Variants in PLD1 observed in about 807,000 individuals in gnomAD.
PLD1 encodes phospholipase D1.
PLD1 carries 112 observed loss-of-function variants against 137.1 expected under a neutral mutation model. That is an observed-to-expected ratio of 0.82 (90% CI 0.70 to 0.96). The LOEUF is 0.96. Ranked by LOEUF, PLD1 falls within the 40% of genes least tolerant of loss-of-function variation. PLD1 has a pLI of 0.00. For synonymous variants in PLD1, 431 were observed against 454.7 expected (o/e 0.95, Z 0.66); for missense variants, 1,321 against 1,342.0 (o/e 0.98, Z 0.24).
At chr3:171,790,547 G>A (rs892543995) in intron 1 of PLD1, among the ~76,000 whole-genome samples, 1 of 152,210 alleles carries the variant, frequency 6.6e-6, no homozygotes, top group African/African-American at 2.4e-5. Context: ...CAAAAAATGA[G>A]ATTTATGATA....
At chr3:171,664,459 ATTTT>A (rs201782822) in intron 19 of PLD1, among the ~76,000 whole-genome samples, 1 of 142,440 alleles carries the variant, frequency 7.0e-6, no homozygotes, top group Non-Finnish European at 1.5e-5. Flanking sequence ...AACCTCCAGG[ATTTT>A]TTTTTTTTTT....
At position 171,644,647 on chromosome 3, in the gene PLD1, A is replaced by G. The variant is rs978575066; in HGVS notation, c.2543+263T>C. ...AAGTTTTAATCAACATTATACATATATAGAAATAGACAGTAACTATACAAG... is the reference window on the plus strand; with the variant it reads ...AAGTTTTAATCAACATTATACATATGTAGAAATAGACAGTAACTATACAAG... On this transcript the variant is annotated intron_variant, in intron 22 of 26. Transcript: ENST00000351298. Among the ~76,000 whole-genome samples the G allele has an allele frequency of 3.3e-5, 5 of 152,336 alleles. 1 individual carries two copies. Among genetic ancestry groups the G allele is most frequent in the African/African-American group, 1.2e-4 (5 of 41,578 alleles).
chr3:171,676,286 C>A (rs1713342105), intron 18 of PLD1, among the ~76,000 whole-genome samples: 2 of 152,128 alleles, frequency 1.3e-5, no homozygotes, highest in Admixed American at 1.3e-4. Context: ...CTCTCAGAAT[C>A]CTGTACCAAT....
At chr3:171,710,364 C>G (rs1050022748) in intron 9 of PLD1, among the ~76,000 whole-genome samples, 1 of 152,112 alleles carries the variant, frequency 6.6e-6, no homozygotes, top group African/African-American at 2.4e-5. Context: ...TTTTTGGTAC[C>G]AGGGACAGGC....
chr3:171,763,936 C>T (rs1407391914), intron 1 of PLD1, among the ~76,000 whole-genome samples: 1 of 147,820 alleles, frequency 6.8e-6, no homozygotes, highest in Non-Finnish European at 1.5e-5. Context: ...ACCTCTTTCT[C>T]AGACATCATT....
At chr3:171,696,144 C>A (rs1000154370) in intron 12 of PLD1, among the ~76,000 whole-genome samples, 2 of 152,154 alleles carry the variant, frequency 1.3e-5, no homozygotes, top group African/African-American at 2.4e-5. Context: ...AAGACAAATT[C>A]TCCCATTAGT....
At chr3:171,654,984 T>G (rs1241386843) in intron 21 of PLD1, among the ~76,000 whole-genome samples, 1 of 152,110 alleles carries the variant, frequency 6.6e-6, no homozygotes, top group East Asian at 1.9e-4. Context: ...GGAATTGTTG[T>G]GAGGCTGGAT....
intron 21 of PLD1, among the ~76,000 whole-genome samples, chr3:171,647,479 C>T (rs1007582889): frequency 5.3e-5 from 8 of 150,472 alleles, no homozygotes; most frequent in East Asian, 2.0e-4. Context: ...GATAGAGTTT[C>T]GCTCTTGTTG....
chr3:171,624,160 T>C (rs1265459792), intron 23 of PLD1, among the ~76,000 whole-genome samples: 1 of 151,932 alleles, frequency 6.6e-6, no homozygotes, highest in Non-Finnish European at 1.5e-5. Flanking sequence ...TCCTAACATA[T>C]AAAGAACTCT....
chr3:171,795,047 T>C (rs1723377091), intron 1 of PLD1, among the ~76,000 whole-genome samples: 1 of 152,276 alleles, frequency 6.6e-6, no homozygotes, highest in Non-Finnish European at 1.5e-5. Flanking sequence ...TATATCATTC[T>C]GATTAGGTGT....
intron 12 of PLD1, among the ~76,000 whole-genome samples, chr3:171,697,337 C>T (rs1003751934): frequency 3.3e-5 from 5 of 151,112 alleles, no homozygotes; most frequent in African/African-American, 1.2e-4. Flanking sequence ...CTCCGCCTCC[C>T]GGGTTCACGC....
intron 1 of PLD1, among the ~76,000 whole-genome samples, chr3:171,759,172 A>G (rs540500362): frequency 1.4e-4 from 22 of 152,190 alleles, no homozygotes; most frequent in African/African-American, 5.1e-4. Flanking sequence ...AGTTTTTTTC[A>G]GTAAGGTTTA....
At chr3:171,667,783 T>C (rs1272782442) in intron 19 of PLD1, among the ~76,000 whole-genome samples, 1 of 152,044 alleles carries the variant, frequency 6.6e-6, no homozygotes, top group Non-Finnish European at 1.5e-5. Context: ...TGAGATGGAG[T>C]CTCTGATGCC....
intron 24 of PLD1, among the ~76,000 whole-genome samples, chr3:171,617,796 G>C (rs1241123862): frequency 6.6e-6 from 1 of 151,892 alleles, no homozygotes; most frequent in Non-Finnish European, 1.5e-5. Context: ...AAGATAAATG[G>C]TCATTTTTCT....
At chr3:171,730,502 TGTATAAAAG>T (rs922426195) in intron 6 of PLD1, among the ~76,000 whole-genome samples, 4 of 151,952 alleles carry the variant, frequency 2.6e-5, no homozygotes, top group Non-Finnish European at 4.4e-5. Context: ...AACCAATGGC[TGTATAAAAG>T]TGAGAGGAAA....
At chr3:171,610,523 A>G (rs1184237781) in intron 25 of PLD1, among the ~76,000 whole-genome samples, 6 of 152,224 alleles carry the variant, frequency 3.9e-5, no homozygotes, top group African/African-American at 1.2e-4. Flanking sequence ...ATTTGTACAT[A>G]AAAATGTGCT....
chr3:171,800,864 T>C (rs1723616236), intron 1 of PLD1, among the ~76,000 whole-genome samples: 1 of 152,194 alleles, frequency 6.6e-6, no homozygotes, highest in Non-Finnish European at 1.5e-5. Flanking sequence ...TGGCCTCTTT[T>C]ATAAAGGCAC....
At chr3:171,642,236 C>T (rs553416581) in intron 23 of PLD1, among the ~76,000 whole-genome samples, 19 of 151,880 alleles carry the variant, frequency 1.3e-4, no homozygotes, top group Non-Finnish European at 2.4e-4. Context: ...GGGTGGATCA[C>T]CTGAGGTCAG....
intron 1 of PLD1, among the ~76,000 whole-genome samples, chr3:171,748,735 T>C (rs1238651482): frequency 6.6e-6 from 1 of 151,712 alleles, no homozygotes; most frequent in Non-Finnish European, 1.5e-5. Flanking sequence ...ACTTGAAATA[T>C]GACTCTCCTT....
Sources: gnomAD v4.1 joint callset for allele counts (sites outside exome capture counted in the v4.1 genomes callset) on GRCh38, gnomAD v4.1.1 for gene constraint, MANE v1.5 for transcripts, NCBI Gene and HGNC (gene_info 2026-07-23, HGNC 2026-07-21) for gene names.